LPCAT3: variants seen among roughly 807,000 people sequenced by gnomAD.
The protein encoded by LPCAT3 is lysophosphatidylcholine acyltransferase 3, also known as lysophospholipid acyltransferase 5.
LPCAT3 carries 21 observed loss-of-function variants against 63.4 expected under a neutral mutation model. The observed-to-expected ratio is 0.33, with a 90% CI of 0.23 to 0.48. The LOEUF is 0.48. Among genes scored for constraint, LPCAT3 ranks in the 20% least tolerant of loss-of-function variants. LPCAT3 has a pLI of 0.99. For synonymous variants in LPCAT3, 242 were observed against 227.5 expected (o/e 1.06, Z -0.58); for missense variants, 451 against 590.6 (o/e 0.76, Z 2.45).
chr12:6,983,481 G>A lies in LPCAT3; in HGVS notation c.210C>T (p.Ile70=), dbSNP rs1371957415. 9.9e-6 allele frequency: 16 copies of A among 1,613,304 alleles called. No individual in the cohort carries two copies. Among genetic ancestry groups the A allele is most frequent in the African/African-American group, 1.3e-5 (1 of 74,992 alleles). ...HYLFYKETYL[I]HLFHTFTGLS... ...GGCCTGTAAAGGTATGGAAGAGGTG[G>A]ATGAGGTAGGTCTCCTTGTAGAAAA... Residue 70 remains isoleucine (I), a synonymous_variant, in exon 2 of 13, where the codon ATC becomes ATT. Coordinates refer to ENST00000261407, the MANE Select transcript of LPCAT3 (RefSeq NM_005768.6).
chr12:6,998,304 CTAT>C (rs1946655297), intron 1 of LPCAT3, among the ~76,000 whole-genome samples: 2 of 152,238 alleles, frequency 1.3e-5, no homozygotes, highest in Non-Finnish European at 2.9e-5. Context: ...GTGTGAGCTA[CTAT>C]GTTTGGCCGT....
At chr12:6,980,429 A>G (rs1946458068) in intron 6 of LPCAT3, among the ~76,000 whole-genome samples, 1 of 152,138 alleles carries the variant, frequency 6.6e-6, no homozygotes, top group Non-Finnish European at 1.5e-5. Context: ...AGCTCACTGC[A>G]GCCTTGACCC....
rs781942267 is a variant in LPCAT3 at position 7,018,360 on chromosome 12, C to T, written c.65G>A (p.Gly22Asp). Residue 22 changes from glycine (G) to aspartate (D), a missense_variant, in exon 1 of 13, where the codon GGT becomes GAT. Coordinates refer to ENST00000261407, the MANE Select transcript of LPCAT3 (RefSeq NM_005768.6). This position sits in a 1 kb window ranked among gnomAD's most constrained non-coding sequence, Gnocchi z 4.9. The part of the protein sequence containing the change: ...VVALAGVLQS[G>D]FQELSLNKLA... ...CTTGTTAAGGCTCAGCTCCTGGAAA[C>T]CCGACTGCAGAACCCCCGCCAGCGC... The T allele has an allele frequency of 1.9e-6, 3 of 1,612,534 alleles. No homozygotes were observed. Among genetic ancestry groups the T allele is most frequent in the Admixed American group, 1.7e-5 (1 of 59,848 alleles).
chr12:6,988,746 C>T (rs1420478403), intron 1 of LPCAT3, among the ~76,000 whole-genome samples: 7 of 152,164 alleles, frequency 4.6e-5, no homozygotes, highest in Admixed American at 4.6e-4. Context: ...GTGCTCAGTC[C>T]TGAGGATAAA....
intron 6 of LPCAT3, 94 bp downstream of exon 6, chr12:6,980,910 G>T: frequency 2.3e-6 from 3 of 1,292,660 alleles, no homozygotes; most frequent in Non-Finnish European, 3.2e-6. Flanking sequence ...AGGTCTCTAT[G>T]CCAGGGTCAT....
chr12:7,006,069 G>T (rs1441586597), intron 1 of LPCAT3, among the ~76,000 whole-genome samples: 1 of 152,142 alleles, frequency 6.6e-6, no homozygotes, highest in Non-Finnish European at 1.5e-5. Flanking sequence ...GCCAAGACTT[G>T]AAGAAATCTG....
intron 1 of LPCAT3, among the ~76,000 whole-genome samples, chr12:6,998,091 C>G (rs1946653601): frequency 6.6e-6 from 1 of 152,226 alleles, no homozygotes. Context: ...TCATGGCTCA[C>G]TGCAGCCTTG....
chr12:7,014,351 TA>T (rs1946783980), intron 1 of LPCAT3, among the ~76,000 whole-genome samples: 1 of 152,160 alleles, frequency 6.6e-6, no homozygotes, highest in South Asian at 2.1e-4. Flanking sequence ...TTCATGGTAT[TA>T]GTTACATTAA....
chr12:6,980,050 T>A (rs1946454497), intron 6 of LPCAT3: 1 of 153,892 alleles, frequency 6.5e-6, no homozygotes, highest in African/African-American at 2.4e-5. Flanking sequence ...TTTACCATTT[T>A]AATTTTTATT....
rs782553121 is a variant in LPCAT3, at chr12:6,999,916, C to CTTTT, written c.152-16381_152-16378dup. On this transcript the variant is annotated intron_variant, in intron 1 of 12. Coordinates refer to ENST00000261407, the MANE Select transcript of LPCAT3 (RefSeq NM_005768.6). Reference sequence around the variant, plus strand: ...GCAGCTTGGGCAAATTACTTACATTCTTTTTTTTTTTTTTTTTTTTTGAGA... The same window carrying CTTTT: ...GCAGCTTGGGCAAATTACTTACATTCTTTTTTTTTTTTTTTTTTTTTTTTTGAGA... Among the ~76,000 whole-genome samples the CTTTT allele has an allele frequency of 4.2e-3, 477 of 114,492 alleles. 10 individuals are homozygous for CTTTT. Among genetic ancestry groups the CTTTT allele is most frequent in the African/African-American group, 8.7e-3 (263 of 30,192 alleles). 75.1% of individuals were successfully genotyped at this position (114,492 alleles called of 152,430 possible).
chr12:7,003,365 T>G (rs1247437783), intron 1 of LPCAT3, among the ~76,000 whole-genome samples: 1 of 151,932 alleles, frequency 6.6e-6, no homozygotes, highest in Non-Finnish European at 1.5e-5. Flanking sequence ...GTGAGTTTTT[T>G]TTTTTTTTTT....
chr12:7,013,059 A>C (rs781802676), intron 1 of LPCAT3, among the ~76,000 whole-genome samples: 183 of 152,374 alleles, frequency 1.2e-3, no homozygotes, highest in African/African-American at 4.2e-3. Flanking sequence ...ATATATAATT[A>C]CAAAGTGTAA....
chr12:6,982,884 A>AT (rs2138334262), intron 2 of LPCAT3, 102 bp from the exon 3 acceptor site: 1 of 744,726 alleles, frequency 1.3e-6, no homozygotes, highest in African/African-American at 1.8e-5. Flanking sequence ...TGGCATCAGG[A>AT]TCTTTTTTTT....
intron 1 of LPCAT3, among the ~76,000 whole-genome samples, chr12:6,995,911 T>G (rs1555155969): frequency 6.6e-6 from 1 of 152,202 alleles, no homozygotes; most frequent in Non-Finnish European, 1.5e-5. Context: ...TTATATTCAA[T>G]GTATTATCAT....
intron 1 of LPCAT3, among the ~76,000 whole-genome samples, chr12:6,985,443 T>C (rs1565599652): frequency 6.6e-6 from 1 of 151,884 alleles, no homozygotes; most frequent in East Asian, 2.0e-4. Flanking sequence ...GCTGGTGCAG[T>C]GGCTCACGCC....
intron 1 of LPCAT3, among the ~76,000 whole-genome samples, chr12:7,010,009 C>G (rs1365204156): frequency 1.3e-5 from 2 of 152,136 alleles, no homozygotes; most frequent in Non-Finnish European, 1.5e-5. Context: ...TGGTTGAACT[C>G]TGGTAATGAG....
intron 1 of LPCAT3, among the ~76,000 whole-genome samples, chr12:6,984,960 C>T (rs1946506811): frequency 1.3e-5 from 2 of 152,020 alleles, no homozygotes; most frequent in African/African-American, 4.8e-5. Flanking sequence ...TGTGAGTTTG[C>T]TTAACTCTAA....
At chr12:6,979,278 C>T (rs782193153) in intron 7 of LPCAT3, 193 bp downstream of exon 7, 36 of 596,030 alleles carry the variant, frequency 6.0e-5, no homozygotes, top group Non-Finnish European at 9.6e-5. Context: ...GCCCTGTGCC[C>T]GCGAAGGTTG....
chr12:6,981,697 C>CT (rs1946472903), intron 4 of LPCAT3, 65 bp from the exon 5 acceptor site: 2 of 896,138 alleles, frequency 2.2e-6, no homozygotes, highest in Admixed American at 2.0e-5. Context: ...GGCCTGTAGA[C>CT]TGAGTGCAGC....
Sources: gnomAD v4.1 joint callset for allele counts (sites outside exome capture counted in the v4.1 genomes callset) on GRCh38, gnomAD v4.1.1 for gene constraint, Gnocchi (gnomAD v3.1) non-coding constraint, MANE v1.5 for transcripts, NCBI Gene and HGNC (gene_info 2026-07-23, HGNC 2026-07-21) for gene names.